Variants in TAFA2 observed in about 807,000 individuals in gnomAD.
TAFA2 encodes chemokine-like protein TAFA-2.
In TAFA2, 7 loss-of-function variants were observed where a neutral mutation model predicts 18.8. The observed-to-expected ratio is 0.37, with a 90% confidence interval of 0.21 to 0.70. The LOEUF is 0.70. Ranked by LOEUF, TAFA2 falls within the 30% of genes least tolerant of loss-of-function variation. The pLI, the probability that TAFA2 is intolerant of heterozygous loss-of-function variation, is 0.53. For missense variants in TAFA2, 122 were observed against 158.1 expected (o/e 0.77, Z 1.23); for synonymous variants, 60 against 54.2 (o/e 1.11, Z -0.47).
At chr12:61,913,909 G>C (rs1290449930) in intron 1 of TAFA2, among the ~76,000 whole-genome samples, 2 of 152,120 alleles carry the variant, frequency 1.3e-5, no homozygotes, top group East Asian at 3.9e-4. Flanking sequence ...TTACAGTTTA[G>C]CTATATTCAG....
intron 1 of TAFA2, among the ~76,000 whole-genome samples, chr12:61,953,566 T>G (rs1262491958): frequency 8.8e-6 from 1 of 113,344 alleles, no homozygotes; most frequent in African/African-American, 3.3e-5. Flanking sequence ...TTTGCTACAT[T>G]TTTGTGGGAT....
At chr12:61,971,165 G>A (rs916424706) in intron 1 of TAFA2, among the ~76,000 whole-genome samples, 5 of 151,636 alleles carry the variant, frequency 3.3e-5, no homozygotes, top group Admixed American at 6.6e-5. Flanking sequence ...AATCACACAG[G>A]AAAGGGTGAT....
At chr12:62,124,120 TAGA>T (rs984248971) in intron 1 of TAFA2, among the ~76,000 whole-genome samples, 6 of 152,094 alleles carry the variant, frequency 3.9e-5, no homozygotes, top group Admixed American at 6.6e-5. Context: ...TTTCCATTTG[TAGA>T]AGAATGGTAG....
chr12:62,065,914 G>A (rs78020225), intron 1 of TAFA2, among the ~76,000 whole-genome samples: 1 of 152,018 alleles, frequency 6.6e-6, no homozygotes, highest in East Asian at 1.9e-4. Context: ...TTATAAAAAA[G>A]CTGGTTACAA....
At chr12:62,170,421 T>C (rs1229021830) in intron 1 of TAFA2, among the ~76,000 whole-genome samples, 1 of 152,208 alleles carries the variant, frequency 6.6e-6, no homozygotes, top group Non-Finnish European at 1.5e-5. Context: ...ATGAAAGAAA[T>C]ACTAGTTTTG....
At chr12:61,868,382 C>G (rs998251398) in intron 1 of TAFA2, among the ~76,000 whole-genome samples, 1 of 152,148 alleles carries the variant, frequency 6.6e-6, no homozygotes, top group Admixed American at 6.5e-5. Flanking sequence ...TCAAGTCCAT[C>G]TCCATTTATT....
chr12:62,100,025 A>C (rs1318241553), intron 1 of TAFA2, among the ~76,000 whole-genome samples: 1 of 152,158 alleles, frequency 6.6e-6, no homozygotes, highest in Non-Finnish European at 1.5e-5. Context: ...GATAATTATC[A>C]ATATGAATTT....
chr12:61,938,484 A>G (rs1266488681), intron 1 of TAFA2, among the ~76,000 whole-genome samples: 1 of 152,128 alleles, frequency 6.6e-6, no homozygotes, highest in Non-Finnish European at 1.5e-5. Context: ...GGAGAATAAG[A>G]GGAGGGAGAG....
chr12:61,826,843 G>A (rs1872552315), intron 2 of TAFA2, among the ~76,000 whole-genome samples: 1 of 151,718 alleles, frequency 6.6e-6, no homozygotes, highest in Admixed American at 6.6e-5. Context: ...TGATATATAT[G>A]TAAGAAAATG....
chr12:62,019,769 T>G (rs1265159530), intron 1 of TAFA2, among the ~76,000 whole-genome samples: 2 of 151,746 alleles, frequency 1.3e-5, no homozygotes. Flanking sequence ...TGTATACATA[T>G]GTAACAAACC....
At chr12:61,880,160 A>T in intron 1 of TAFA2, 2 of 556,190 alleles carry the variant, frequency 3.6e-6, no homozygotes, top group Non-Finnish European at 6.6e-6. Context: ...TAAGGCTGAC[A>T]GCATGTACCA....
At position 61,731,650 on chromosome 12, in the gene TAFA2, G is replaced by A. The variant is rs773678492; in HGVS notation, c.385-21233C>T. Among the ~76,000 whole-genome samples the A allele has an allele frequency of 1.5e-4, 23 of 152,018 alleles. No homozygotes were observed. In the Middle Eastern group the frequency reaches 0.01, roughly 67 times the overall value. ...CTTCCATGTTCTTTTGTAAAACCCCGAGAATTATTCTGTGAGATAGTCCCC... is the reference window on the plus strand; with the variant it reads ...CTTCCATGTTCTTTTGTAAAACCCCAAGAATTATTCTGTGAGATAGTCCCC... On this transcript the variant is annotated intron_variant, in intron 4 of 4. Coordinates refer to ENST00000416284, the MANE Select transcript of TAFA2 (RefSeq NM_178539.5).
intron 1 of TAFA2, among the ~76,000 whole-genome samples, chr12:61,940,697 T>C (rs1413942719): frequency 1.3e-5 from 2 of 152,064 alleles, no homozygotes; most frequent in Non-Finnish European, 2.9e-5. Flanking sequence ...GAGGTGCAGG[T>C]GAAGCTAGCA....
chr12:61,733,685 A>G (rs1236873570), intron 4 of TAFA2, among the ~76,000 whole-genome samples: 1 of 150,816 alleles, frequency 6.6e-6, no homozygotes, highest in African/African-American at 2.4e-5. Flanking sequence ...GCCTTGTAGT[A>G]TAGTTTGAAG....
intron 1 of TAFA2, among the ~76,000 whole-genome samples, chr12:62,017,050 G>A (rs1237797036): frequency 6.6e-6 from 1 of 152,110 alleles, no homozygotes; most frequent in Non-Finnish European, 1.5e-5. Flanking sequence ...CCATGCACCA[G>A]GAAGTTTGGT....
At chr12:61,788,979 C>T (rs1236617623) in intron 2 of TAFA2, among the ~76,000 whole-genome samples, 2 of 151,766 alleles carry the variant, frequency 1.3e-5, no homozygotes, top group Admixed American at 6.6e-5. Flanking sequence ...TCTTCGCCCA[C>T]ATTTTGATGG....
chr12:61,805,425 T>C (rs184799411), intron 2 of TAFA2, among the ~76,000 whole-genome samples: 2 of 152,216 alleles, frequency 1.3e-5, no homozygotes, highest in Admixed American at 6.5e-5. Flanking sequence ...TGCCATACTA[T>C]ATTTACAATA....
At chr12:62,244,616 G>C (rs570103471) in intron 1 of TAFA2, among the ~76,000 whole-genome samples, 4 of 152,198 alleles carry the variant, frequency 2.6e-5, no homozygotes, top group African/African-American at 9.6e-5. Flanking sequence ...TGAGGCATGA[G>C]GTTGAAACAT....
At chr12:61,747,696 C>A (rs868304737) in intron 4 of TAFA2, among the ~76,000 whole-genome samples, 2,525 of 141,692 alleles carry the variant, frequency 0.018, 96 homozygotes, top group African/African-American at 0.064. Flanking sequence ...AGGGGAATAT[C>A]ACACTCTGGG....
Sources: gnomAD v4.1 joint callset for allele counts (sites outside exome capture counted in the v4.1 genomes callset) on GRCh38, gnomAD v4.1.1 for gene constraint, MANE v1.5 for transcripts, NCBI Gene and HGNC (gene_info 2026-07-23, HGNC 2026-07-21) for gene names.